Variants in CPA6 observed in about 807,000 individuals in gnomAD.
CPA6 encodes carboxypeptidase B.
In CPA6, 58 loss-of-function variants were observed where a neutral mutation model predicts 63.3. The ratio of observed to expected loss-of-function variants is 0.92; its 90% CI spans 0.74 to 1.14. The LOEUF is 1.14. Among genes scored for constraint, CPA6 ranks in the 50% most tolerant of loss-of-function variants. The probability of loss-of-function intolerance (pLI) is 0.00; values close to 1 mark genes in which losing one functional copy is unlikely to be tolerated. For missense variants in CPA6, 565 were observed against 526.6 expected (o/e 1.07, Z -0.71); for synonymous variants, 185 against 179.0 (o/e 1.03, Z -0.27).
intron 1 of CPA6, among the ~76,000 whole-genome samples, chr8:67,722,139 GA>G (rs767877214): frequency 6.6e-6 from 1 of 152,164 alleles, no homozygotes; most frequent in Non-Finnish European, 1.5e-5. Flanking sequence ...CCTGATTTTG[GA>G]ATCATTCTTT....
chr8:67,475,823 TTTTCTTTC>T (rs1166367674), intron 8 of CPA6, among the ~76,000 whole-genome samples: 504 of 45,898 alleles, frequency 0.011, 16 homozygotes, highest in East Asian at 0.017. Context: ...CTTTCCTTTC[TTTTCTTTC>T]TTTCTTTCTT....
chr8:67,516,608 C>T (rs1344685637), intron 3 of CPA6, among the ~76,000 whole-genome samples: 4 of 152,230 alleles, frequency 2.6e-5, no homozygotes, highest in Non-Finnish European at 1.5e-5. Context: ...ACATCTGTGT[C>T]TTCTAATGCA....
intron 2 of CPA6, among the ~76,000 whole-genome samples, chr8:67,617,390 G>A (rs1814981484): frequency 6.6e-6 from 1 of 152,114 alleles, no homozygotes; most frequent in African/African-American, 2.4e-5. Context: ...ACATCTGCCT[G>A]GATAATAAGC....
intron 1 of CPA6, among the ~76,000 whole-genome samples, chr8:67,679,939 G>A (rs540477052): frequency 6.6e-6 from 1 of 152,314 alleles, no homozygotes; most frequent in South Asian, 2.1e-4. Flanking sequence ...TGGTGTATTA[G>A]GAGCTGTGTA....
chr8:67,705,608 G>A (rs924192142), intron 1 of CPA6, among the ~76,000 whole-genome samples: 2 of 152,116 alleles, frequency 1.3e-5, no homozygotes, highest in Non-Finnish European at 2.9e-5. Context: ...TTTCCAAGAT[G>A]GGTGTCTGCT....
Position 67,484,735 on chromosome 8 carries a change from A to G in CPA6, c.691T>C (p.Tyr231His). ...PAMRKMLNHL[Y>H]FYIMPVFNVD... ...TTAAACACAGGCATGATATAGAAATATAGATGATTCAACATTTTTCTCATG... is the reference window on the plus strand; with the variant it reads ...TTAAACACAGGCATGATATAGAAATGTAGATGATTCAACATTTTTCTCATG... Residue 231 changes from tyrosine (Y) to histidine (H), a missense_variant, in exon 7 of 11, where the codon TAT becomes CAT. Tyr to His is a moderately conservative substitution (Grantham distance 83, BLOSUM62 2). Coordinates refer to ENST00000297770, the MANE Select transcript of CPA6 (RefSeq NM_020361.5). The G allele has an allele frequency of 6.2e-7, 1 of 1,611,416 alleles. No individual in the cohort carries two copies. The highest frequency in any genetic ancestry group is 8.5e-7 in the Non-Finnish European group (1 of 1,177,600).
At chr8:67,633,551 G>A (rs894808203) in intron 1 of CPA6, among the ~76,000 whole-genome samples, 1 of 152,010 alleles carries the variant, frequency 6.6e-6, no homozygotes, top group Non-Finnish European at 1.5e-5. Flanking sequence ...CGTGGTGGCG[G>A]GCGCCTGTAG....
At chr8:67,721,883 CCTTAA>C (rs1486971178) in intron 1 of CPA6, among the ~76,000 whole-genome samples, 3 of 152,282 alleles carry the variant, frequency 2.0e-5, no homozygotes, top group East Asian at 1.9e-4. Flanking sequence ...ACATAGGGAA[CCTTAA>C]CTTAACTAGA....
chr8:67,699,650 C>T (rs887864298), intron 1 of CPA6, among the ~76,000 whole-genome samples: 2 of 151,532 alleles, frequency 1.3e-5, no homozygotes, highest in African/African-American at 4.9e-5. Context: ...TACAATGGCA[C>T]TATCTGGGTT....
intron 2 of CPA6, among the ~76,000 whole-genome samples, chr8:67,621,244 A>C (rs1205852646): frequency 2.0e-5 from 3 of 151,980 alleles, no homozygotes; most frequent in African/African-American, 7.3e-5. Context: ...CCCTTTGCTG[A>C]TTTTGCTTTG....
At chr8:67,684,306 C>T (rs1029606492) in intron 1 of CPA6, among the ~76,000 whole-genome samples, 1 of 152,078 alleles carries the variant, frequency 6.6e-6, no homozygotes, top group Non-Finnish European at 1.5e-5. Context: ...TATTGTCTGT[C>T]ATGTGTCTTG....
chr8:67,743,862 A>T (rs1046814812), intron 1 of CPA6, among the ~76,000 whole-genome samples: 9 of 152,338 alleles, frequency 5.9e-5, no homozygotes, highest in African/African-American at 2.2e-4. Flanking sequence ...AAATATTTTT[A>T]CATGAATGCA....
At chr8:67,686,686 G>C (rs1816716149) in intron 1 of CPA6, among the ~76,000 whole-genome samples, 1 of 152,164 alleles carries the variant, frequency 6.6e-6, no homozygotes. Context: ...CTCCAAGCTG[G>C]GATTTTGCTA....
chr8:67,738,136 T>C (rs1289055987), intron 1 of CPA6, among the ~76,000 whole-genome samples: 1 of 152,198 alleles, frequency 6.6e-6, no homozygotes, highest in African/African-American at 2.4e-5. Context: ...TGGTAGTCAT[T>C]GGATATCAGA....
chr8:67,692,205 G>A (rs922127437), intron 1 of CPA6, among the ~76,000 whole-genome samples: 7 of 151,890 alleles, frequency 4.6e-5, no homozygotes, highest in Non-Finnish European at 8.8e-5. Context: ...GCATGGTGGC[G>A]CATGCCTCTA....
chr8:67,487,344 T>C (rs2128961720), intron 6 of CPA6, among the ~76,000 whole-genome samples: 1 of 152,214 alleles, frequency 6.6e-6, no homozygotes, highest in Non-Finnish European at 1.5e-5. Context: ...AGAATGATGG[T>C]TTCCAGCTTC....
intron 8 of CPA6, among the ~76,000 whole-genome samples, chr8:67,469,722 G>C (rs1021055637): frequency 4.6e-5 from 7 of 152,214 alleles, no homozygotes; most frequent in African/African-American, 1.7e-4. Context: ...TTTCCAGCCT[G>C]CTGGCCTACC....
At chr8:67,501,315 G>A (rs1344303224) in intron 6 of CPA6, among the ~76,000 whole-genome samples, 1 of 152,062 alleles carries the variant, frequency 6.6e-6, no homozygotes, top group African/African-American at 2.4e-5. Context: ...TCACTTTTTT[G>A]AGTAATTGTA....
intron 1 of CPA6, among the ~76,000 whole-genome samples, chr8:67,671,913 C>T (rs1816356103): frequency 6.6e-6 from 1 of 152,116 alleles, no homozygotes; most frequent in Admixed American, 6.5e-5. Flanking sequence ...TCACTGCAAC[C>T]TCTGTCTCCC....
Sources: allele counts gnomAD v4.1 joint callset (sites outside exome capture counted in the v4.1 genomes callset), GRCh38; gene constraint gnomAD v4.1.1; transcripts MANE v1.5; gene names NCBI Gene and HGNC (gene_info 2026-07-23, HGNC 2026-07-21).